FMN2: variants seen among roughly 807,000 people sequenced by gnomAD.
FMN2 encodes the protein formin-2.
A neutral mutation model predicts 142.3 loss-of-function variants in FMN2; 51 were observed. The observed-to-expected ratio is 0.36, with a 90% CI of 0.29 to 0.45. The LOEUF (loss-of-function observed/expected upper bound fraction) is 0.45. FMN2 is among the 20% of genes least tolerant of loss of function. FMN2 has a pLI of 1.00. For missense variants in FMN2, 1,936 were observed against 2,122.8 expected (o/e 0.91, Z 1.73); for synonymous variants, 882 against 869.8 (o/e 1.01, Z -0.25).
intron 14 of FMN2, among the ~76,000 whole-genome samples, chr1:240,384,989 T>TA (rs1203214371): frequency 1.3e-5 from 2 of 152,208 alleles, no homozygotes; most frequent in Non-Finnish European, 2.9e-5. Flanking sequence ...AGGAAAAAAC[T>TA]ATGTAATATT....
chr1:240,356,503 T>G (rs1672277820), intron 14 of FMN2, among the ~76,000 whole-genome samples: 1 of 152,158 alleles, frequency 6.6e-6, no homozygotes, highest in South Asian at 2.1e-4. Context: ...ATGGAAAATT[T>G]TAGAAGATAA....
chr1:240,174,378 A>G (rs1664829694), intron 2 of FMN2, among the ~76,000 whole-genome samples: 2 of 152,094 alleles, frequency 1.3e-5, no homozygotes, highest in Admixed American at 1.3e-4. Context: ...TTTTTGAGAC[A>G]AGGTCTTGCT....
At chr1:240,155,784 C>T (rs1165883189) in intron 2 of FMN2, among the ~76,000 whole-genome samples, 8 of 150,978 alleles carry the variant, frequency 5.3e-5, no homozygotes, top group Non-Finnish European at 1.2e-4. Flanking sequence ...ATAATTCATG[C>T]TCTTAATTTT....
intron 15 of FMN2, among the ~76,000 whole-genome samples, chr1:240,398,594 G>A (rs556968345): frequency 9.2e-5 from 14 of 152,224 alleles, no homozygotes; most frequent in African/African-American, 2.6e-4. Flanking sequence ...AACATTTGAC[G>A]TTTCTCCGAA....
At chr1:240,466,564 C>G (rs959393828) in intron 16 of FMN2, among the ~76,000 whole-genome samples, 10 of 152,160 alleles carry the variant, frequency 6.6e-5, no homozygotes, top group Non-Finnish European at 1.0e-4. Context: ...ATATTCCTCA[C>G]CAAATGCTTC....
chr1:240,326,250 G>T (rs1324095637), intron 8 of FMN2, among the ~76,000 whole-genome samples: 1 of 152,082 alleles, frequency 6.6e-6, no homozygotes, highest in African/African-American at 2.4e-5. Context: ...GAGTTTATGG[G>T]GCATAGATAA....
chr1:240,334,657 A>G (rs202092702), intron 13 of FMN2, among the ~76,000 whole-genome samples: 1 of 130,890 alleles, frequency 7.6e-6, no homozygotes, highest in Non-Finnish European at 1.6e-5. Context: ...AATATCTTCT[A>G]CTTAAAAACC....
At chr1:240,136,996 A>G (rs1016719619) in intron 2 of FMN2, among the ~76,000 whole-genome samples, 3 of 150,582 alleles carry the variant, frequency 2.0e-5, no homozygotes, top group Admixed American at 6.6e-5. Context: ...CTTGAACCCA[A>G]GAGGCGGACA....
At chr1:240,386,525 G>T (rs915758405) in intron 14 of FMN2, among the ~76,000 whole-genome samples, 1 of 152,092 alleles carries the variant, frequency 6.6e-6, no homozygotes, top group South Asian at 2.1e-4. Flanking sequence ...CGTCCATTTC[G>T]TGTCTTTGCT....
intron 8 of FMN2, among the ~76,000 whole-genome samples, chr1:240,312,061 G>A (rs1458353829): frequency 2.6e-5 from 4 of 152,206 alleles, no homozygotes; most frequent in Admixed American, 1.3e-4. Flanking sequence ...AGAGCAGAGA[G>A]CAGTTTCATG....
At chr1:240,418,723 T>G (rs774724018) in intron 15 of FMN2, among the ~76,000 whole-genome samples, 2 of 149,098 alleles carry the variant, frequency 1.3e-5, no homozygotes, top group Non-Finnish European at 2.9e-5. Flanking sequence ...GGATGTAGTG[T>G]TCTATTTTAT....
At chr1:240,253,171 A>G (rs1285182522) in intron 6 of FMN2, among the ~76,000 whole-genome samples, 3 of 151,936 alleles carry the variant, frequency 2.0e-5, no homozygotes, top group East Asian at 3.9e-4. Context: ...GGGTTTTACC[A>G]TGTTGGCCAG....
At chr1:240,241,825 C>CTTTTTTTTTTTTTTTTTTTTTTTTTTT (rs71567282) in intron 6 of FMN2, among the ~76,000 whole-genome samples, 3 of 96,232 alleles carry the variant, frequency 3.1e-5, no homozygotes, top group African/African-American at 1.1e-4. Context: ...GTGTGCCTTG[C>CTTTTTTTTTTTTTTTTTTTTTTTTTTT]TTTTTTTTTT....
At chr1:240,421,910 C>G (rs1674777846) in intron 15 of FMN2, among the ~76,000 whole-genome samples, 1 of 152,132 alleles carries the variant, frequency 6.6e-6, no homozygotes, top group African/African-American at 2.4e-5. Context: ...GCTCTCATAC[C>G]TGTTTCCACA....
chr1:240,099,529 C>A lies in FMN2; in HGVS notation c.1615+5805C>A, dbSNP rs185181727. On this transcript the variant is annotated intron_variant, in intron 1 of 17. Transcript: ENST00000319653. ...ACACCCTCAGTGTTTCTGCTCTGCA[C>A]AGCATCTGGCTGCAAACCCCTGACT... is the stretch of plus-strand genomic sequence containing the variant. Among the ~76,000 whole-genome samples, 15 of 152,152 alleles carry A rather than the reference C, an allele frequency of 9.9e-5. No homozygotes were observed. In the East Asian group the frequency reaches 2.7e-3, roughly 28 times the overall value.
At chr1:240,396,003 C>T (rs968617708) in intron 15 of FMN2, among the ~76,000 whole-genome samples, 14 of 152,192 alleles carry the variant, frequency 9.2e-5, no homozygotes, top group African/African-American at 3.4e-4. Context: ...GTCTTATTAG[C>T]CACCCCAGCC....
intron 4 of FMN2, among the ~76,000 whole-genome samples, chr1:240,200,865 T>C (rs1666097004): frequency 6.6e-6 from 1 of 152,190 alleles, no homozygotes; most frequent in African/African-American, 2.4e-5. Flanking sequence ...AATTTTAGTC[T>C]TTCATCTTTG....
At chr1:240,272,113 G>A (rs1420333420) in intron 7 of FMN2, among the ~76,000 whole-genome samples, 1 of 151,892 alleles carries the variant, frequency 6.6e-6, no homozygotes, top group Non-Finnish European at 1.5e-5. Flanking sequence ...TGTTTGTTTT[G>A]GCCAACCTCT....
chr1:240,415,914 C>T (rs1266741004), intron 15 of FMN2, among the ~76,000 whole-genome samples: 1 of 152,172 alleles, frequency 6.6e-6, no homozygotes, highest in African/African-American at 2.4e-5. Context: ...TACCTTTCCC[C>T]CAGTTATTTT....
Sources: allele counts gnomAD v4.1 joint callset (sites outside exome capture counted in the v4.1 genomes callset), GRCh38; gene constraint gnomAD v4.1.1; transcripts MANE v1.5; gene names NCBI Gene and HGNC (gene_info 2026-07-23, HGNC 2026-07-21).